Variants in BMPR1B observed in about 807,000 individuals in gnomAD.
The protein encoded by BMPR1B is bone morphogenetic protein receptor type 1B.
In BMPR1B, 12 loss-of-function variants were observed where a neutral mutation model predicts 59.1. The observed-to-expected ratio is 0.20, with a 90% CI of 0.13 to 0.33. The LOEUF (loss-of-function observed/expected upper bound fraction) is 0.33, where lower values mean the gene tolerates loss of function less well. Among genes scored for constraint, BMPR1B ranks in the 10% least tolerant of loss-of-function variants. The pLI is 1.00. For synonymous variants in BMPR1B, 237 were observed against 207.3 expected (o/e 1.14, Z -1.23); for missense variants, 550 against 610.9 (o/e 0.90, Z 1.05).
chr4:94,925,023 A>G (rs1473522350), intron 2 of BMPR1B, among the ~76,000 whole-genome samples: 1 of 152,130 alleles, frequency 6.6e-6, no homozygotes, highest in Non-Finnish European at 1.5e-5. Flanking sequence ...CTATTAAGTG[A>G]AGAGTTTGTT....
At chr4:95,001,373 A>C (rs200079277) in intron 3 of BMPR1B, among the ~76,000 whole-genome samples, 4 of 432 alleles carry the variant, frequency 9.3e-3, no homozygotes, top group Non-Finnish European at 0.026. Context: ...GTATTTCTTA[A>C]TACCATCAAG....
chr4:95,062,880 C>G (rs1048007720), intron 3 of BMPR1B, among the ~76,000 whole-genome samples: 14 of 152,144 alleles, frequency 9.2e-5, no homozygotes, highest in African/African-American at 3.1e-4. Flanking sequence ...TCTTCAGTAA[C>G]TGTAAATACT....
intron 3 of BMPR1B, among the ~76,000 whole-genome samples, chr4:95,044,074 CT>C (rs1243317564): frequency 9.9e-5 from 15 of 152,064 alleles, no homozygotes; most frequent in South Asian, 2.1e-4. Flanking sequence ...AATAAAATGT[CT>C]TCAGGAAAGA....
At chr4:95,113,410 G>A (rs553784807) in intron 4 of BMPR1B, among the ~76,000 whole-genome samples, 1 of 152,162 alleles carries the variant, frequency 6.6e-6, no homozygotes, top group Admixed American at 6.6e-5. Context: ...TTCTGAGGGT[G>A]TTGATAATAA....
intron 1 of BMPR1B, among the ~76,000 whole-genome samples, chr4:94,863,688 C>T (rs934883476): frequency 2.6e-5 from 4 of 152,100 alleles, no homozygotes; most frequent in Admixed American, 1.3e-4. Context: ...AAGTTCTAGG[C>T]GGCAATGTGG....
chr4:94,784,763 C>CT (rs1722703645), intron 1 of BMPR1B, among the ~76,000 whole-genome samples: 1 of 152,144 alleles, frequency 6.6e-6, no homozygotes, highest in Admixed American at 6.6e-5. Flanking sequence ...GTCCTACTTC[C>CT]TTTTTAGAGT....
intron 2 of BMPR1B, among the ~76,000 whole-genome samples, chr4:94,922,436 A>G (rs1296270331): frequency 6.6e-6 from 1 of 152,168 alleles, no homozygotes; most frequent in Non-Finnish European, 1.5e-5. Context: ...CCACAAATAA[A>G]ACATTATGTA....
chr4:95,042,441 G>A (rs1725727363), intron 3 of BMPR1B, among the ~76,000 whole-genome samples: 1 of 151,982 alleles, frequency 6.6e-6, no homozygotes, highest in Non-Finnish European at 1.5e-5. Context: ...TTAAAATATT[G>A]TATAAAATTA....
At chr4:94,963,923 A>G (rs189602528) in intron 2 of BMPR1B, among the ~76,000 whole-genome samples, 10 of 152,260 alleles carry the variant, frequency 6.6e-5, no homozygotes, top group African/African-American at 2.4e-4. Context: ...CGCTTTGGGT[A>G]GTATGTACAT....
intron 1 of BMPR1B, among the ~76,000 whole-genome samples, chr4:94,860,911 TG>T (rs1053504663): frequency 2.0e-5 from 3 of 148,270 alleles, no homozygotes; most frequent in African/African-American, 7.9e-5. Context: ...CCTTCATATA[TG>T]TGTATATCTC....
intron 3 of BMPR1B, among the ~76,000 whole-genome samples, chr4:95,085,790 C>T (rs1729528586): frequency 6.6e-6 from 1 of 152,124 alleles, no homozygotes; most frequent in Admixed American, 6.6e-5. Context: ...AGCATTCAGG[C>T]ATTTTATGAA....
intron 1 of BMPR1B, among the ~76,000 whole-genome samples, chr4:94,842,080 A>G (rs1302106687): frequency 6.6e-6 from 1 of 152,184 alleles, no homozygotes; most frequent in Non-Finnish European, 1.5e-5. Context: ...GAGAGTGCAC[A>G]CACACCCCAG....
chr4:95,146,194 T>C (rs1267176261), intron 10 of BMPR1B, among the ~76,000 whole-genome samples: 1 of 152,100 alleles, frequency 6.6e-6, no homozygotes, highest in Admixed American at 6.5e-5. Context: ...GGCAAACGTC[T>C]AGGGTGGGAG....
intron 3 of BMPR1B, among the ~76,000 whole-genome samples, chr4:95,041,741 G>A (rs1725666965): frequency 6.6e-6 from 1 of 151,968 alleles, no homozygotes; most frequent in Admixed American, 6.6e-5. Flanking sequence ...GGCATACACA[G>A]TATTCTTATC....
Position 95,074,536 on chromosome 4 carries a change from G to T in BMPR1B, c.-17-29872G>T, listed in dbSNP as rs573580702. Among the ~76,000 whole-genome samples, 9 of 152,056 alleles carry T rather than the reference G, an allele frequency of 5.9e-5. No individual in the cohort carries two copies. The East Asian group carries it at 1.7e-3, about 29-fold the overall frequency. ...GTTTTCTTCTTCATTTTCATTTTTC[G>T]TCATTGTTTTTTTCCTGAAGACCCC... On this transcript the variant is annotated intron_variant, in intron 3 of 12. Coordinates refer to ENST00000515059, the MANE Select transcript of BMPR1B (RefSeq NM_001203.3).
chr4:94,958,105 C>T (rs1205738054), intron 2 of BMPR1B, among the ~76,000 whole-genome samples: 1 of 152,158 alleles, frequency 6.6e-6, no homozygotes, highest in Non-Finnish European at 1.5e-5. Flanking sequence ...TTGGATCATT[C>T]ACATATGATT....
At chr4:94,966,992 A>G (rs898248106) in intron 2 of BMPR1B, among the ~76,000 whole-genome samples, 24 of 152,268 alleles carry the variant, frequency 1.6e-4, no homozygotes, top group Middle Eastern at 3.4e-3. Flanking sequence ...TGGAACAATT[A>G]TTTTACCTTG....
chr4:94,868,617 G>A (rs1230677249), intron 1 of BMPR1B, among the ~76,000 whole-genome samples: 3 of 152,226 alleles, frequency 2.0e-5, no homozygotes, highest in African/African-American at 7.2e-5. Context: ...TGAACGATGA[G>A]CAGGTTTGGA....
chr4:95,066,174 A>G (rs1727784730), intron 3 of BMPR1B, among the ~76,000 whole-genome samples: 1 of 152,226 alleles, frequency 6.6e-6, no homozygotes, highest in African/African-American at 2.4e-5. Context: ...TAGGCCAGAA[A>G]GGCTCATTCC....
Sources: gnomAD v4.1 joint callset for allele counts (sites outside exome capture counted in the v4.1 genomes callset) on GRCh38, gnomAD v4.1.1 for gene constraint, MANE v1.5 for transcripts, NCBI Gene and HGNC (gene_info 2026-07-23, HGNC 2026-07-21) for gene names.